Variants in ADGRG2 observed in about 807,000 individuals in gnomAD.
ADGRG2 encodes adhesion G protein-coupled receptor G2.
ADGRG2 carries 26 observed loss-of-function variants against 74.1 expected under a neutral mutation model. The ratio of observed to expected loss-of-function variants is 0.35; its 90% CI spans 0.26 to 0.49. The LOEUF (loss-of-function observed/expected upper bound fraction) is 0.49, where lower values mean the gene tolerates loss of function less well. Among genes scored for constraint, ADGRG2 ranks in the 20% least tolerant of loss-of-function variants. The probability of loss-of-function intolerance (pLI) is 0.99; values close to 1 mark genes in which losing one functional copy is unlikely to be tolerated. For synonymous variants in ADGRG2, 296 were observed against 295.2 expected, an observed-to-expected ratio of 1.00 and a Z score of -0.03; for missense variants, 619 against 763.1, an observed-to-expected ratio of 0.81 and a Z score of 2.22.
chrX:19,065,676 G>A (rs1165190809), intron 3 of ADGRG2, among the ~76,000 whole-genome samples: 6 of 111,453 alleles, frequency 5.4e-5, no homozygotes, highest in Non-Finnish European at 9.4e-5. Context: ...AAAAAGCACC[G>A]AAACGTGAGA....
intron 7 of ADGRG2, 71 bp downstream of exon 7, chrX:19,035,871 T>C: frequency 7.2e-6 from 4 of 555,349 alleles, no homozygotes; most frequent in Non-Finnish European, 1.2e-5. Flanking sequence ...AGTAACCCAG[T>C]AGACTGCACA....
intron 1 of ADGRG2, among the ~76,000 whole-genome samples, chrX:19,096,410 T>TAAAAAA (rs756410342): frequency 1.3e-5 from 1 of 75,250 alleles, no homozygotes. Flanking sequence ...AGACTCTATC[T>TAAAAAA]AAAAAAAAAA....
chrX:19,085,218 G>T (rs1341408869), intron 1 of ADGRG2, among the ~76,000 whole-genome samples: 1 of 112,014 alleles, frequency 8.9e-6, no homozygotes, highest in Non-Finnish European at 1.9e-5. Flanking sequence ...AGTTCATTTA[G>T]GTGTATTAAC....
chrX:19,053,467 A>C (rs1321630400), intron 3 of ADGRG2, among the ~76,000 whole-genome samples: 4 of 111,578 alleles, frequency 3.6e-5, no homozygotes, highest in Admixed American at 1.9e-4. Flanking sequence ...ACCCCTAAAG[A>C]AGGCAGTGTG....
rs148723500 is a variant in ADGRG2, at chrX:19,102,077, C to T, written c.-46-19331G>A. On this transcript the variant is annotated intron_variant, in intron 1 of 28. Transcript: ENST00000379869. ...AGTAGGGGAGGAAGATGAAGTATTGCGGTGAAAATATTGCCGGGTGTGGTG... is the reference window on the plus strand; with the variant it reads ...AGTAGGGGAGGAAGATGAAGTATTGTGGTGAAAATATTGCCGGGTGTGGTG... Among the ~76,000 whole-genome samples the T allele has an allele frequency of 4.0e-3, 433 of 109,175 alleles. 3 individuals are homozygous for T. Among genetic ancestry groups the T allele is most frequent in the African/African-American group, 0.012 (360 of 30,228 alleles). 94.8% of individuals were successfully genotyped at this position (109,175 alleles called of 115,157 possible).
chrX:18,993,297 G>T (rs976503294), intron 28 of ADGRG2, among the ~76,000 whole-genome samples: 1 of 110,813 alleles, frequency 9.0e-6, no homozygotes, highest in African/African-American at 3.3e-5. Flanking sequence ...TAAATGTCCT[G>T]CAATTCCACA....
intron 1 of ADGRG2, among the ~76,000 whole-genome samples, chrX:19,087,906 A>T (rs933594407): frequency 9.1e-6 from 1 of 109,804 alleles, no homozygotes; most frequent in Non-Finnish European, 1.9e-5. Flanking sequence ...TCCCTTCCCT[A>T]GCTTAAGGCT....
intron 4 of ADGRG2, among the ~76,000 whole-genome samples, chrX:19,037,910 C>T (rs1248556806): frequency 1.8e-5 from 2 of 111,853 alleles, no homozygotes; most frequent in East Asian, 5.6e-4. Flanking sequence ...GATTAGGAAC[C>T]AGACCAAAAT....
rs184882448 is a variant in ADGRG2 at position 19,096,599 on chromosome X, A to G, written c.-46-13853T>C. ...ATTACAAGCTGCTTTTGGTTATCCTATAGTACTAATGCCACATTATTGACA... is the reference window on the plus strand; with the variant it reads ...ATTACAAGCTGCTTTTGGTTATCCTGTAGTACTAATGCCACATTATTGACA... On this transcript the variant is annotated intron_variant, in intron 1 of 28. Coordinates refer to ENST00000379869, the MANE Select transcript of ADGRG2 (RefSeq NM_001079858.3). Among the ~76,000 whole-genome samples, 496 of 111,671 alleles carry G rather than the reference A, an allele frequency of 4.4e-3. 1 individual carries two copies. The highest frequency in any genetic ancestry group is 7.1e-3 in the Non-Finnish European group (379 of 53,153).
intron 1 of ADGRG2, among the ~76,000 whole-genome samples, chrX:19,112,986 ACC>A (rs1491498635): frequency 8.7e-5 from 8 of 91,776 alleles, no homozygotes; most frequent in African/African-American, 2.8e-4. Context: ...CAAAAAAAAA[ACC>A]AAAAAAAAAA....
intron 3 of ADGRG2, among the ~76,000 whole-genome samples, chrX:19,050,406 C>A (rs957096692): frequency 8.9e-6 from 1 of 111,773 alleles, no homozygotes; most frequent in African/African-American, 3.2e-5. Context: ...CAGAAGTCTG[C>A]GAGCATAGAA....
chrX:19,047,336 T>C (rs1387856063), intron 3 of ADGRG2, among the ~76,000 whole-genome samples: 1 of 111,738 alleles, frequency 8.9e-6, no homozygotes, highest in Non-Finnish European at 1.9e-5. Flanking sequence ...CCTTCACTCC[T>C]GATTCCTGGG....
chrX:19,049,659 G>C (rs1259104604), intron 3 of ADGRG2, among the ~76,000 whole-genome samples: 1 of 108,955 alleles, frequency 9.2e-6, no homozygotes, highest in African/African-American at 3.4e-5. Flanking sequence ...CAGCTATCAT[G>C]TTAGTGTATT....
chrX:19,111,860 G>C (rs765199670), intron 1 of ADGRG2, among the ~76,000 whole-genome samples: 9 of 111,073 alleles, frequency 8.1e-5, no homozygotes, highest in Non-Finnish European at 1.7e-4. Flanking sequence ...AAATAATTAA[G>C]TATAGTAATG....
chrX:19,059,793 G>A (rs1222597415), intron 3 of ADGRG2, among the ~76,000 whole-genome samples: 1 of 109,169 alleles, frequency 9.2e-6, no homozygotes, highest in African/African-American at 3.3e-5. Context: ...CTATGTAGTA[G>A]TACTAAAGAA....
intron 3 of ADGRG2, among the ~76,000 whole-genome samples, chrX:19,042,802 C>T (rs2061097048): frequency 9.0e-6 from 1 of 111,004 alleles, no homozygotes; most frequent in African/African-American, 3.3e-5. Flanking sequence ...ACCAGCCTGG[C>T]CAACATGGCG....
chrX:19,107,637 G>GTT lies in ADGRG2; in HGVS notation c.-47+14803_-47+14804dup, dbSNP rs74586432. Among the ~76,000 whole-genome samples the GTT allele has an allele frequency of 5.8e-4, 28 of 48,005 alleles. 1 individual carries two copies. In the East Asian group the frequency reaches 8.0e-3, roughly 14 times the overall value. The allele number at this position is 48,005 out of a possible 115,157, so 41.7% of individuals were successfully genotyped here. On this transcript the variant is annotated intron_variant, in intron 1 of 28. Coordinates refer to ENST00000379869, the MANE Select transcript of ADGRG2 (RefSeq NM_001079858.3). ...AGCAGTTCCAGGAGTTTTGTTTTTT[G>GTT]TTTTTTTTTTTTTTTTCATTTCAAA...
intron 24 of ADGRG2, 41 bp from the exon 25 acceptor site, chrX:19,000,001 T>C (rs756783657): frequency 1.3e-6 from 1 of 795,538 alleles, no homozygotes; most frequent in East Asian, 3.2e-5. Flanking sequence ...ATTTTTTTTT[T>C]TTTTTTTTTT....
At chrX:19,107,468 G>T (rs1389850578) in intron 1 of ADGRG2, among the ~76,000 whole-genome samples, 2 of 111,804 alleles carry the variant, frequency 1.8e-5, no homozygotes, top group Admixed American at 9.5e-5. Flanking sequence ...GCATAATTTA[G>T]TTTTTTAACC....
Sources: allele counts gnomAD v4.1 joint callset (sites outside exome capture counted in the v4.1 genomes callset), GRCh38; gene constraint gnomAD v4.1.1; transcripts MANE v1.5; gene names NCBI Gene and HGNC (gene_info 2026-07-23, HGNC 2026-07-21).